The following ATXN8OS variants were observed in gnomAD, a reference collection of about 807,000 sequenced individuals.
ATXN8OS encodes the protein ATXN8 opposite strand (non-protein coding).
chr13:70,153,475 T>G (rs924655676), intron 4 of ATXN8OS, among the ~76,000 whole-genome samples: 2 of 152,078 alleles, frequency 1.3e-5, no homozygotes, highest in African/African-American at 4.8e-5. Context: ...TTCAGGAGGC[T>G]GAGGCAGGAG....
chr13:70,145,979 T>C (rs1284739728), intron 3 of ATXN8OS, among the ~76,000 whole-genome samples: 7 of 143,278 alleles, frequency 4.9e-5, no homozygotes, highest in Non-Finnish European at 7.6e-5. Flanking sequence ...ACAGGCAACC[T>C]ACAAAATGGG....
chr13:70,141,524 T>A (rs1375521954), intron 3 of ATXN8OS, among the ~76,000 whole-genome samples: 1 of 152,098 alleles, frequency 6.6e-6, no homozygotes, highest in Non-Finnish European at 1.5e-5. Flanking sequence ...GGATATAGTA[T>A]CCCCTGGGAA....
intron 1 of ATXN8OS, among the ~76,000 whole-genome samples, chr13:70,109,451 G>A (rs759671057): frequency 9.2e-5 from 14 of 152,172 alleles, no homozygotes; most frequent in Non-Finnish European, 1.9e-4. Flanking sequence ...CTGAAGTGCA[G>A]TTAGGCTACT....
intron 3 of ATXN8OS, among the ~76,000 whole-genome samples, chr13:70,135,240 C>CT (rs1488596987): frequency 1.3e-5 from 2 of 152,060 alleles, no homozygotes; most frequent in Non-Finnish European, 2.9e-5. Flanking sequence ...CTTGCCCCTC[C>CT]TTTTTTGGGC....
intron 1 of ATXN8OS, among the ~76,000 whole-genome samples, chr13:70,113,987 A>AT (rs35223371): frequency 6.6e-6 from 1 of 152,290 alleles, no homozygotes; most frequent in East Asian, 1.9e-4. Flanking sequence ...CCAAAACAAC[A>AT]TTTTTTAGTT....
intron 4 of ATXN8OS, among the ~76,000 whole-genome samples, chr13:70,162,692 G>A (rs1012047719): frequency 1.3e-5 from 2 of 151,988 alleles, no homozygotes; most frequent in African/African-American, 4.8e-5. Context: ...ACAATCTCAA[G>A]TGAGATTTTC....
chr13:70,143,674 C>G (rs1888746035), intron 3 of ATXN8OS, among the ~76,000 whole-genome samples: 1 of 152,114 alleles, frequency 6.6e-6, no homozygotes, highest in Non-Finnish European at 1.5e-5. Context: ...ATTTTCTGCA[C>G]ATAAATGTTT....
exon 3 of ATXN8OS, chr13:70,129,787 T>C (rs1888502561): frequency 2.5e-6 from 1 of 398,394 alleles, no homozygotes; most frequent in African/African-American, 2.1e-5. Context: ...GCAATAGCTA[T>C]GGCAACCACC....
chr13:70,149,125 A>G lies in ATXN8OS; in HGVS notation n.573+1697A>G, dbSNP rs577895553. ...CTGTGTGAACATTTTAGAATAATTT[A>G]ATATTAATTGTTTTGCAGTTTCTTC... is the stretch of plus-strand genomic sequence containing the variant. On this transcript the variant is annotated intron_variant and non_coding_transcript_variant, in intron 4 of 4. Transcript: ENST00000678624. Among the ~76,000 whole-genome samples the G allele has an allele frequency of 6.0e-4, 91 of 152,236 alleles. 1 individual carries two copies. The highest frequency in any genetic ancestry group is 3.4e-3 in the Middle Eastern group (1 of 294).
intron 4 of ATXN8OS, among the ~76,000 whole-genome samples, chr13:70,167,888 G>A (rs192825877): frequency 0.013 from 1,965 of 151,650 alleles, 44 homozygotes; most frequent in Non-Finnish European, 0.017. Flanking sequence ...GGCGTGTGCC[G>A]CCACTCCTGA....
rs186324442 is a variant in ATXN8OS at position 70,154,513 on chromosome 13, C to T, written n.573+7085C>T. On this transcript the variant is annotated intron_variant and non_coding_transcript_variant, in intron 4 of 4. Transcript: ENST00000678624. ...TGAATGGTTCTTATATGACTGAAGA[C>T]ATATCTTTTGGTGTTGGTACTGAGG... is the stretch of plus-strand genomic sequence containing the variant. Among the ~76,000 whole-genome samples the T allele has an allele frequency of 5.9e-5, 9 of 152,190 alleles. No individual in the cohort carries two copies. In the East Asian group the frequency reaches 1.7e-3, roughly 29 times the overall value.
At chr13:70,118,438 T>C (rs1478868396) in intron 2 of ATXN8OS, among the ~76,000 whole-genome samples, 1 of 152,116 alleles carries the variant, frequency 6.6e-6, no homozygotes, top group Non-Finnish European at 1.5e-5. Context: ...TAATGCATTA[T>C]AAAGCCATCA....
chr13:70,110,013 T>C (rs1439004711), intron 1 of ATXN8OS, among the ~76,000 whole-genome samples: 3 of 152,172 alleles, frequency 2.0e-5, no homozygotes, highest in African/African-American at 7.2e-5. Flanking sequence ...ATAAAATTTA[T>C]TTGTTATTCT....
chr13:70,141,547 T>C (rs1888715353), intron 3 of ATXN8OS, among the ~76,000 whole-genome samples: 1 of 152,126 alleles, frequency 6.6e-6, no homozygotes, highest in African/African-American at 2.4e-5. Context: ...AGAAAACTTA[T>C]AATGCCTTAA....
chr13:70,144,824 C>T (rs1195411961), intron 3 of ATXN8OS, among the ~76,000 whole-genome samples: 1 of 152,096 alleles, frequency 6.6e-6, no homozygotes, highest in East Asian at 1.9e-4. Flanking sequence ...TAATAGTTTT[C>T]CACCTTACAT....
At chr13:70,140,837 A>C (rs1888704648) in intron 3 of ATXN8OS, among the ~76,000 whole-genome samples, 1 of 152,058 alleles carries the variant, frequency 6.6e-6, no homozygotes, top group Admixed American at 6.6e-5. Flanking sequence ...GTTCCAGCTT[A>C]TTCTATGAAC....
intron 3 of ATXN8OS, among the ~76,000 whole-genome samples, chr13:70,146,371 C>A (rs929300395): frequency 6.6e-6 from 1 of 151,484 alleles, no homozygotes; most frequent in African/African-American, 2.4e-5. Flanking sequence ...CTTCAGGGAT[C>A]TAGAACTAGA....
At chr13:70,143,190 A>G (rs1371474688) in intron 3 of ATXN8OS, among the ~76,000 whole-genome samples, 2 of 152,152 alleles carry the variant, frequency 1.3e-5, no homozygotes, top group African/African-American at 2.4e-5. Flanking sequence ...ACAAGTTTGC[A>G]TTTGAAATAT....
intron 4 of ATXN8OS, among the ~76,000 whole-genome samples, chr13:70,158,514 C>T (rs1038756446): frequency 2.0e-5 from 3 of 152,334 alleles, no homozygotes; most frequent in Middle Eastern, 3.4e-3. Context: ...CGGTCCCTTT[C>T]AACAATATGC....
Sources: gnomAD v4.1 joint callset for allele counts (sites outside exome capture counted in the v4.1 genomes callset) on GRCh38, gnomAD v4.1.1 for gene constraint, MANE v1.5 for transcripts, NCBI Gene and HGNC (gene_info 2026-07-23, HGNC 2026-07-21) for gene names.